PKHD1: variants seen among roughly 807,000 people sequenced by gnomAD.
PKHD1 encodes the protein fibrocystin.
A neutral mutation model predicts 412.0 loss-of-function variants in PKHD1; 291 were observed. The ratio of observed to expected loss-of-function variants is 0.71; its 90% CI spans 0.64 to 0.78. PKHD1 has a LOEUF of 0.78. Among genes scored for constraint, PKHD1 ranks in the 30% least tolerant of loss-of-function variants. The pLI is 0.00. For missense variants in PKHD1, 4,825 were observed against 4,950.7 expected (o/e 0.97, Z 0.76); for synonymous variants, 1,777 against 1,821.5 (o/e 0.98, Z 0.62).
intron 52 of PKHD1, among the ~76,000 whole-genome samples, chr6:51,823,323 C>T (rs1456893806): frequency 1.3e-5 from 2 of 152,080 alleles, no homozygotes; most frequent in Admixed American, 6.6e-5. Context: ...TGCCAATTAC[C>T]GCCACCCCAT....
At chr6:51,766,302 G>A (rs1788991567) in intron 55 of PKHD1, among the ~76,000 whole-genome samples, 1 of 152,052 alleles carries the variant, frequency 6.6e-6, no homozygotes. Flanking sequence ...TCCTTGCTGT[G>A]CTGTATGTCC....
At chr6:51,726,866 G>A (rs1373006531) in intron 60 of PKHD1, among the ~76,000 whole-genome samples, 1 of 152,194 alleles carries the variant, frequency 6.6e-6, no homozygotes, top group African/African-American at 2.4e-5. Context: ...TCCTGATTAT[G>A]TGAATATGGC....
chr6:51,932,079 T>C (rs141321318), intron 37 of PKHD1, among the ~76,000 whole-genome samples: 75 of 152,272 alleles, frequency 4.9e-4, no homozygotes, highest in Admixed American at 2.4e-3. Flanking sequence ...TAACATCAGA[T>C]GGCTGAAGTA....
At chr6:51,646,541 C>T (rs892833169) in intron 63 of PKHD1, among the ~76,000 whole-genome samples, 1 of 152,154 alleles carries the variant, frequency 6.6e-6, no homozygotes, top group South Asian at 2.1e-4. Context: ...CTCTTACTGC[C>T]TTAAAACTGA....
At chr6:51,673,943 G>A (rs1173438237) in intron 60 of PKHD1, among the ~76,000 whole-genome samples, 6 of 152,184 alleles carry the variant, frequency 3.9e-5, no homozygotes, top group African/African-American at 1.4e-4. Context: ...ACTTTTGGAG[G>A]AACGGAGTAA....
intron 38 of PKHD1, 46 bp downstream of exon 38, chr6:51,912,320 A>C (rs375902049): frequency 1.7e-6 from 2 of 1,193,756 alleles, no homozygotes; most frequent in African/African-American, 3.0e-5. Flanking sequence ...TACAGTTAAG[A>C]TCTCATCTTC....
chr6:51,964,791 C>CT (rs578099185), intron 35 of PKHD1, among the ~76,000 whole-genome samples: 27 of 151,958 alleles, frequency 1.8e-4, no homozygotes, highest in Non-Finnish European at 3.1e-4. Flanking sequence ...CTTTATTTAC[C>CT]TTTTTTGTGA....
intron 33 of PKHD1, among the ~76,000 whole-genome samples, chr6:52,019,876 G>A (rs1562146409): frequency 6.6e-6 from 1 of 152,176 alleles, no homozygotes; most frequent in Non-Finnish European, 1.5e-5. Context: ...CAGTTTGTGG[G>A]GATGGTAAAA....
intron 6 of PKHD1, among the ~76,000 whole-genome samples, chr6:52,075,283 G>T (rs1276010946): frequency 6.6e-6 from 1 of 152,096 alleles, no homozygotes; most frequent in Non-Finnish European, 1.5e-5. Flanking sequence ...AATATAAAAC[G>T]CTTTTCAATA....
rs150985194 is a variant in PKHD1, at chr6:52,026,075, C to A, written c.3735G>T (p.Ala1245=). 6.2e-7 allele frequency: 1 copy of A among 1,614,128 alleles called. No individual in the cohort carries two copies. The change falls in exon 32 of 67, where the codon GCG becomes GCT. Residue 1245 remains alanine (A), a synonymous_variant. Coordinates refer to ENST00000371117, the MANE Select transcript of PKHD1 (RefSeq NM_138694.4). ...RSCDIVNLTE[A]SIWCETLPAP... is the part of the protein sequence containing the mutation. ...CTGGCAGGGTTTCACACCAGATGCT[C>A]GCCTCCGTTAAGTTCACAATGTCAC... is the stretch of plus-strand genomic sequence containing the variant.
rs10671492 is a variant in PKHD1 at position 51,976,944 on chromosome 6, T to TAAAAAAAAAAAAAAAAA, written c.5752-16935_5752-16919dup. Among the ~76,000 whole-genome samples, 68 of 93,518 alleles carry TAAAAAAAAAAAAAAAAA rather than the reference T, an allele frequency of 7.3e-4. 1 individual carries two copies. Among genetic ancestry groups the TAAAAAAAAAAAAAAAAA allele is most frequent in the African/African-American group, 2.8e-3 (62 of 21,908 alleles). 61.4% of individuals were successfully genotyped at this position (93,518 alleles called of 152,430 possible). A position where few individuals can be genotyped will look rare whatever the true frequency, so the allele number is the denominator to read the frequency against. ...GCCTGGGTGATAGAGTGAGACTCCA[T>TAAAAAAAAAAAAAAAAA]AAAAAAAAAAAAAAAAAAAACCTGA... On this transcript the variant is annotated intron_variant, in intron 35 of 66. Transcript: ENST00000371117.
At chr6:51,684,467 C>T (rs1336598298) in intron 60 of PKHD1, among the ~76,000 whole-genome samples, 1 of 151,774 alleles carries the variant, frequency 6.6e-6, no homozygotes, top group African/African-American at 2.4e-5. Flanking sequence ...TGCTGAGGTC[C>T]CAGTTAGTTT....
intron 6 of PKHD1, 63 bp from the exon 7 acceptor site, chr6:52,073,604 A>T (rs1230590817): frequency 2.0e-6 from 2 of 985,736 alleles, no homozygotes. Context: ...ATAATAAAAA[A>T]CCATGTTTCT....
In PKHD1 at chr6:51,826,092, A is replaced by AG. The variant is rs35924165; in HGVS notation, c.8302+4768_8302+4769insC. The stretch of plus-strand genomic sequence containing the variant: ...TTTTATAATCACAAGATTTCATAGA[A>AG]TTCCTCCCCTCAAAAATTACTTTCT... On this transcript the variant is annotated intron_variant, in intron 52 of 66. Coordinates refer to ENST00000371117, the MANE Select transcript of PKHD1 (RefSeq NM_138694.4). 9.7e-4 allele frequency among the ~76,000 whole-genome samples: 147 copies of AG among 152,200 alleles called. 3 individuals are homozygous for AG. The highest frequency in any genetic ancestry group is 3.1e-3 in the African/African-American group (130 of 41,534).
chr6:51,680,048 A>G (rs1424152072), intron 60 of PKHD1, among the ~76,000 whole-genome samples: 1 of 151,946 alleles, frequency 6.6e-6, no homozygotes, highest in East Asian at 1.9e-4. Flanking sequence ...AGGAATAATA[A>G]TGCTACGGTA....
chr6:51,855,497 T>C (rs1773130031), intron 49 of PKHD1, among the ~76,000 whole-genome samples: 1 of 152,204 alleles, frequency 6.6e-6, no homozygotes, highest in African/African-American at 2.4e-5. Flanking sequence ...AATGTATAAA[T>C]GCTTTGGTAA....
intron 28 of PKHD1, among the ~76,000 whole-genome samples, chr6:52,034,758 G>C (rs1255486379): frequency 6.6e-6 from 1 of 152,130 alleles, no homozygotes; most frequent in Non-Finnish European, 1.5e-5. Flanking sequence ...CTGGTAATAA[G>C]GAATAGTTAA....
chr6:51,887,365 A>C, intron 43 of PKHD1, 120 bp from the exon 44 acceptor site: 1 of 730,280 alleles, frequency 1.4e-6, no homozygotes, highest in Non-Finnish European at 2.5e-6. Flanking sequence ...AAGTACATTA[A>C]AACTCTATTA....
rs959303588 is a variant in PKHD1, at chr6:51,624,512, A to C, written c.11785+2485T>G. Among the ~76,000 whole-genome samples, 4 of 150,808 alleles carry C rather than the reference A, an allele frequency of 2.7e-5. No individual in the cohort carries two copies. The East Asian group carries it at 5.8e-4, about 22-fold the overall frequency. On this transcript the variant is annotated intron_variant, in intron 66 of 66. Coordinates refer to ENST00000371117, the MANE Select transcript of PKHD1 (RefSeq NM_138694.4). ...GCCAGCAGAAAACTGTTAGGACCCCAAAAAAATGTGCATTCATCATCCTTT... is the reference window on the plus strand; with the variant it reads ...GCCAGCAGAAAACTGTTAGGACCCCCAAAAAATGTGCATTCATCATCCTTT...
Sources: allele counts gnomAD v4.1 joint callset (sites outside exome capture counted in the v4.1 genomes callset), GRCh38; gene constraint gnomAD v4.1.1; transcripts MANE v1.5; gene names NCBI Gene and HGNC (gene_info 2026-07-23, HGNC 2026-07-21).